Variants in DDC observed in about 807,000 individuals in gnomAD.
DDC encodes aromatic-L-amino-acid decarboxylase.
In DDC, 43 loss-of-function variants were observed where a neutral mutation model predicts 60.0. The observed-to-expected ratio is 0.72, with a 90% CI of 0.56 to 0.92. DDC has a LOEUF of 0.92. Ranked by LOEUF, DDC falls within the 40% of genes least tolerant of loss-of-function variation. The probability of loss-of-function intolerance (pLI) is 0.00; values close to 1 mark genes in which losing one functional copy is unlikely to be tolerated. For missense variants in DDC, 573 were observed against 620.2 expected, an observed-to-expected ratio of 0.92 and a Z score of 0.81; for synonymous variants, 232 against 234.6, an observed-to-expected ratio of 0.99 and a Z score of 0.10.
chr7:50,490,073 A>G (rs561508348), intron 9 of DDC, among the ~76,000 whole-genome samples: 3 of 152,348 alleles, frequency 2.0e-5, no homozygotes, highest in Non-Finnish European at 4.4e-5. Context: ...TGATTTTACA[A>G]TGGCCTCTGT....
At chr7:50,562,344 T>C (rs1259044260) in intron 1 of DDC, among the ~76,000 whole-genome samples, 1 of 152,182 alleles carries the variant, frequency 6.6e-6, no homozygotes, top group East Asian at 1.9e-4. Flanking sequence ...GTAAGGAGAT[T>C]AGGCCCCATC....
chr7:50,492,624 C>A (rs1471602330), intron 9 of DDC: 13 of 1,059,752 alleles, frequency 1.2e-5, no homozygotes, highest in Non-Finnish European at 1.1e-5. Context: ...TGGCAGACTT[C>A]CAGACACCGC....
intron 9 of DDC, among the ~76,000 whole-genome samples, chr7:50,494,068 T>C (rs994362125): frequency 1.3e-5 from 2 of 152,244 alleles, no homozygotes; most frequent in Non-Finnish European, 2.9e-5. Flanking sequence ...TTTAAAACTT[T>C]AGAGAAACTA....
intron 2 of DDC, chr7:50,542,422 C>T (rs2044662899): frequency 6.6e-6 from 1 of 152,170 alleles, no homozygotes; most frequent in African/African-American, 2.4e-5. Flanking sequence ...CAGATGTGTG[C>T]TCTTTTGCTT....
intron 9 of DDC, among the ~76,000 whole-genome samples, chr7:50,490,062 C>A (rs569381677): frequency 6.4e-4 from 97 of 152,288 alleles, no homozygotes; most frequent in Non-Finnish European, 1.2e-3. Flanking sequence ...AAATGAATGA[C>A]TGATTTTACA....
intron 9 of DDC, among the ~76,000 whole-genome samples, chr7:50,488,112 T>C (rs2042923861): frequency 1.3e-5 from 2 of 152,058 alleles, no homozygotes; most frequent in Admixed American, 1.3e-4. Flanking sequence ...GGAAATAACT[T>C]TAAATGATGA....
intron 12 of DDC, among the ~76,000 whole-genome samples, chr7:50,467,544 T>C (rs2042425868): frequency 6.6e-6 from 1 of 152,230 alleles, no homozygotes; most frequent in Non-Finnish European, 1.5e-5. Flanking sequence ...TGTCATTTTC[T>C]TCTGTTCATG....
chr7:50,479,914 G>A (rs1458347899), intron 9 of DDC, 51 bp from the exon 10 acceptor site: 10 of 1,468,096 alleles, frequency 6.8e-6, no homozygotes, highest in Non-Finnish European at 9.5e-6. Flanking sequence ...CCCTAGACTG[G>A]ACCACCTCTC....
At chr7:50,469,255 TAAAAAAAAAA>T (rs755613984) in intron 12 of DDC, among the ~76,000 whole-genome samples, 928 of 56,578 alleles carry the variant, frequency 0.016, 16 homozygotes, top group African/African-American at 0.042. Context: ...ATTGTTATTT[TAAAAAAAAAA>T]AAAAAAAAAA....
intron 4 of DDC, among the ~76,000 whole-genome samples, chr7:50,530,754 A>T (rs2044179802): frequency 6.6e-6 from 1 of 152,192 alleles, no homozygotes; most frequent in African/African-American, 2.4e-5. Context: ...ACCGACCAGT[A>T]TGAAAGGACA....
At chr7:50,513,735 G>A (rs1019527337) in intron 6 of DDC, among the ~76,000 whole-genome samples, 1 of 152,032 alleles carries the variant, frequency 6.6e-6, no homozygotes, top group Non-Finnish European at 1.5e-5. Context: ...GCATGACTCA[G>A]CAGAGGCAGC....
intron 12 of DDC, among the ~76,000 whole-genome samples, chr7:50,467,802 C>A (rs573027600): frequency 6.6e-6 from 1 of 152,228 alleles, no homozygotes; most frequent in South Asian, 2.1e-4. Flanking sequence ...CAAGGTGCAC[C>A]CGGAGGCCTT....
intron 1 of DDC, among the ~76,000 whole-genome samples, chr7:50,546,982 T>C (rs1275216681): frequency 2.0e-5 from 3 of 152,354 alleles, no homozygotes; most frequent in Middle Eastern, 6.8e-3. Flanking sequence ...TTACAATTCC[T>C]TGGGGCCTGC....
chr7:50,486,860 C>T (rs2042889614), intron 9 of DDC, among the ~76,000 whole-genome samples: 1 of 152,180 alleles, frequency 6.6e-6, no homozygotes, highest in Non-Finnish European at 1.5e-5. Flanking sequence ...TTAAATATCT[C>T]CACTGGTAAC....
At chr7:50,467,782 G>A (rs2042430714) in intron 12 of DDC, among the ~76,000 whole-genome samples, 1 of 152,156 alleles carries the variant, frequency 6.6e-6, no homozygotes, top group South Asian at 2.1e-4. Flanking sequence ...GAGAGGGTGA[G>A]CGACATGCCC....
intron 7 of DDC, among the ~76,000 whole-genome samples, chr7:50,503,174 G>C (rs1435632705): frequency 6.6e-6 from 1 of 152,240 alleles, no homozygotes; most frequent in Non-Finnish European, 1.5e-5. Flanking sequence ...CAGGCCACAG[G>C]TATGTGATCT....
intron 7 of DDC, among the ~76,000 whole-genome samples, chr7:50,503,484 T>C (rs1014994048): frequency 2.0e-5 from 3 of 152,230 alleles, no homozygotes; most frequent in African/African-American, 7.2e-5. Context: ...GGAAAACATC[T>C]GAAGCACAGA....
At chr7:50,502,549 G>A (rs1401473114) in intron 7 of DDC, among the ~76,000 whole-genome samples, 2 of 152,258 alleles carry the variant, frequency 1.3e-5, no homozygotes, top group Non-Finnish European at 1.5e-5. Context: ...CAGCTGATGA[G>A]GCCAATGCTG....
At chr7:50,467,603 C>T (rs1027655645) in intron 12 of DDC, among the ~76,000 whole-genome samples, 10 of 152,194 alleles carry the variant, frequency 6.6e-5, no homozygotes, top group African/African-American at 2.4e-4. Flanking sequence ...TTAGAATAAA[C>T]ACCGTGAGGA....
Sources: allele counts gnomAD v4.1 joint callset (sites outside exome capture counted in the v4.1 genomes callset), GRCh38; gene constraint gnomAD v4.1.1; transcripts MANE v1.5; gene names NCBI Gene and HGNC (gene_info 2026-07-23, HGNC 2026-07-21).